The following ODAD2 variants were observed in gnomAD, a reference collection of about 807,000 sequenced individuals.
ODAD2 encodes outer dynein arm docking complex subunit 2.
In ODAD2, 89 loss-of-function variants were observed where a neutral mutation model predicts 106.8. The ratio of observed to expected loss-of-function variants is 0.83; its 90% CI spans 0.70 to 0.99. ODAD2 has a LOEUF of 0.99. ODAD2 is among the 50% of genes least tolerant of loss of function. The pLI, the probability that ODAD2 is intolerant of heterozygous loss-of-function variation, is 0.00. For missense variants in ODAD2, 1,168 were observed against 1,238.5 expected, an observed-to-expected ratio of 0.94 and a Z score of 0.85; for synonymous variants, 404 against 436.2, an observed-to-expected ratio of 0.93 and a Z score of 0.92.
intron 19 of ODAD2, among the ~76,000 whole-genome samples, chr10:27,859,650 G>A (rs1485513957): frequency 6.6e-6 from 1 of 152,108 alleles, no homozygotes; most frequent in African/African-American, 2.4e-5. Flanking sequence ...AAATTATATT[G>A]TACAAGGAAA....
At chr10:27,901,201 T>G (rs571428336) in intron 17 of ODAD2, among the ~76,000 whole-genome samples, 3 of 152,280 alleles carry the variant, frequency 2.0e-5, no homozygotes, top group South Asian at 4.1e-4. Context: ...GAGTTTCATA[T>G]CCAGCCAAAC....
intron 2 of ODAD2, 36 bp from the exon 3 acceptor site, chr10:27,987,579 C>G: frequency 2.0e-6 from 3 of 1,514,062 alleles, no homozygotes; most frequent in Non-Finnish European, 2.7e-6. Context: ...AAGCTTCATG[C>G]TACCTAGAGG....
At chr10:27,896,589 C>G (rs890528957) in intron 17 of ODAD2, among the ~76,000 whole-genome samples, 10 of 152,082 alleles carry the variant, frequency 6.6e-5, no homozygotes, top group Admixed American at 5.9e-4. Context: ...CCTGGACTTG[C>G]CCTCAGGAAT....
intron 16 of ODAD2, among the ~76,000 whole-genome samples, chr10:27,927,212 A>G (rs1845315904): frequency 6.6e-6 from 1 of 152,140 alleles, no homozygotes; most frequent in Non-Finnish European, 1.5e-5. Context: ...ATATAAAGGA[A>G]GAGAGGTGCT....
At chr10:27,908,563 T>C (rs1271743108) in intron 16 of ODAD2, among the ~76,000 whole-genome samples, 3 of 152,294 alleles carry the variant, frequency 2.0e-5, no homozygotes, top group East Asian at 3.9e-4. Context: ...CGGAAAGGTA[T>C]ATTAAACTCA....
At chr10:27,847,097 A>G (rs1268657987) in intron 19 of ODAD2, among the ~76,000 whole-genome samples, 3 of 152,198 alleles carry the variant, frequency 2.0e-5, no homozygotes, top group African/African-American at 7.2e-5. Context: ...TCCTGATACC[A>G]AAGCCTGGCA....
intron 10 of ODAD2, among the ~76,000 whole-genome samples, chr10:27,957,933 A>G (rs796632517): frequency 4.5e-4 from 68 of 152,326 alleles, no homozygotes; most frequent in African/African-American, 1.5e-3. Flanking sequence ...GCTAGCTTAA[A>G]TCTACATTTA....
At chr10:27,970,991 T>C in intron 8 of ODAD2, 117 bp downstream of exon 8, 1 of 373,396 alleles carries the variant, frequency 2.7e-6, no homozygotes, top group East Asian at 5.6e-5. Flanking sequence ...AATAAATAAA[T>C]AAATAAATAA....
At chr10:27,865,513 A>G (rs1300853757) in intron 17 of ODAD2, among the ~76,000 whole-genome samples, 1 of 152,174 alleles carries the variant, frequency 6.6e-6, no homozygotes, top group African/African-American at 2.4e-5. Flanking sequence ...AGTCTGGGTT[A>G]AGTGGCATCT....
chr10:27,851,298 A>T (rs955581834), intron 19 of ODAD2, among the ~76,000 whole-genome samples: 1 of 152,166 alleles, frequency 6.6e-6, no homozygotes, highest in Non-Finnish European at 1.5e-5. Flanking sequence ...AACTGAAAGG[A>T]TCAAATTGTT....
At chr10:27,942,877 T>C (rs866148025) in intron 12 of ODAD2, among the ~76,000 whole-genome samples, 3 of 152,236 alleles carry the variant, frequency 2.0e-5, no homozygotes, top group Non-Finnish European at 4.4e-5. Flanking sequence ...TTGAAACAAA[T>C]ACATTTATAG....
rs200574441 is a variant in ODAD2 at position 27,995,057 on chromosome 10, G to A, written c.86C>T (p.Ala29Val). 2.3e-4 allele frequency: 370 copies of A among 1,613,014 alleles called. 4 individuals are homozygous for A. The South Asian group carries it at 3.3e-3, about 14-fold the overall frequency. Residue 29 changes from alanine (A) to valine (V), a missense_variant, in exon 2 of 20, where the codon GCG (alanine) becomes GTG (valine). Ala to Val is a moderately conservative substitution (Grantham distance 64). Around this residue, in one of 3 missense-constraint regions of ODAD2, gnomAD observed 430 missense variants for 452.2 expected, o/e 0.95. Transcript: ENST00000305242. Reference protein sequence around the residue: ...GILEITPLNEAILKEIIVFVE... With the variant: ...GILEITPLNEVILKEIIVFVE... ...AAACACAATAATTTCTTTCAATATC[G>A]CTTCATTTAGAGGGGTGATTTCGAG... is the stretch of plus-strand genomic sequence containing the variant.
chr10:27,872,529 C>T (rs1281798420), intron 17 of ODAD2, among the ~76,000 whole-genome samples: 2 of 151,990 alleles, frequency 1.3e-5, no homozygotes, highest in African/African-American at 4.8e-5. Context: ...AGATACGTCC[C>T]ATCAATACCT....
intron 15 of ODAD2, 27 bp from the exon 16 acceptor site, chr10:27,935,279 A>T: frequency 6.2e-7 from 1 of 1,611,540 alleles, no homozygotes; most frequent in Non-Finnish European, 8.5e-7. Flanking sequence ...AAAGAGGAGA[A>T]TTGGTTTTTG....
At chr10:27,846,898 T>C (rs116858785) in intron 19 of ODAD2, among the ~76,000 whole-genome samples, 8,124 of 151,898 alleles carry the variant, frequency 0.053, 309 homozygotes, top group East Asian at 0.17. Context: ...CCTCAATAGA[T>C]CAATTGTTGC....
intron 5 of ODAD2, 83 bp downstream of exon 5, chr10:27,984,101 T>C: frequency 6.7e-7 from 1 of 1,485,418 alleles, no homozygotes. Flanking sequence ...AACCTTCTCT[T>C]GTAATGTAGA....
At chr10:27,965,458 GA>G (rs11330909) in intron 9 of ODAD2, among the ~76,000 whole-genome samples, 57,406 of 151,774 alleles carry the variant, frequency 0.38, 12,226 homozygotes, top group Middle Eastern at 0.59. Context: ...TGGGGGCAAG[GA>G]AAAAAATGTA....
intron 2 of ODAD2, among the ~76,000 whole-genome samples, chr10:27,991,261 C>T (rs996494104): frequency 6.6e-6 from 1 of 152,028 alleles, no homozygotes; most frequent in African/African-American, 2.4e-5. Context: ...ACCCCCAGCC[C>T]CCACCCCAAA....
At chr10:27,976,156 T>C (rs1238964188) in intron 7 of ODAD2, among the ~76,000 whole-genome samples, 1 of 152,122 alleles carries the variant, frequency 6.6e-6, no homozygotes, top group Non-Finnish European at 1.5e-5. Flanking sequence ...ATGGTTAGCA[T>C]CAAACTTAAT....
Sources: gnomAD v4.1 joint callset for allele counts (sites outside exome capture counted in the v4.1 genomes callset) on GRCh38, gnomAD v4.1.1 for gene constraint, gnomAD v4.1.1 regional missense constraint, MANE v1.5 for transcripts, NCBI Gene and HGNC (gene_info 2026-07-23, HGNC 2026-07-21) for gene names.